Variants in RAPGEF2 observed in about 807,000 individuals in gnomAD.
The protein encoded by RAPGEF2 is Rap guanine nucleotide exchange factor 2, also known as PDZ domain containing guanine nucleotide exchange factor (GEF) 1.
Under a neutral mutation model 186.7 loss-of-function variants are expected in RAPGEF2, and 54 were observed. That is an observed-to-expected ratio of 0.29 (90% CI 0.23 to 0.36). RAPGEF2 has a LOEUF of 0.36. Among genes scored for constraint, RAPGEF2 ranks in the 10% least tolerant of loss-of-function variants. The probability of loss-of-function intolerance (pLI) is 1.00; values close to 1 mark genes in which losing one functional copy is unlikely to be tolerated. For missense variants in RAPGEF2, 1,532 were observed against 2,045.0 expected (o/e 0.75, Z 4.84); for synonymous variants, 712 against 705.9 (o/e 1.01, Z -0.14).
At chr4:159,311,189 A>G (rs1200462737) in intron 8 of RAPGEF2, among the ~76,000 whole-genome samples, 1 of 152,180 alleles carries the variant, frequency 6.6e-6, no homozygotes, top group Non-Finnish European at 1.5e-5. Context: ...TGATATGAAG[A>G]TTATTATGTT....
intron 7 of RAPGEF2, among the ~76,000 whole-genome samples, chr4:159,296,468 A>G (rs914414265): frequency 6.6e-6 from 1 of 152,236 alleles, no homozygotes; most frequent in Admixed American, 6.5e-5. Context: ...TCAATTAGTA[A>G]ATTAATAAAT....
intron 4 of RAPGEF2, among the ~76,000 whole-genome samples, chr4:159,237,018 TG>T (rs1168896715): frequency 1.3e-5 from 2 of 152,214 alleles, no homozygotes; most frequent in African/African-American, 2.4e-5. Context: ...TTGATTTTCA[TG>T]GAAACTTTTT....
chr4:159,169,042 A>G (rs914492899), intron 1 of RAPGEF2, among the ~76,000 whole-genome samples: 3 of 152,224 alleles, frequency 2.0e-5, no homozygotes, highest in African/African-American at 7.2e-5. Context: ...TGAGGACCAG[A>G]GTATATTGTA....
chr4:159,286,628 CT>C (rs1760538943), intron 7 of RAPGEF2, among the ~76,000 whole-genome samples: 1 of 152,170 alleles, frequency 6.6e-6, no homozygotes, highest in African/African-American at 2.4e-5. Context: ...TTTTCTCCAT[CT>C]TACCCACTCT....
chr4:159,233,862 G>T (rs1752928186), intron 4 of RAPGEF2, among the ~76,000 whole-genome samples: 1 of 151,894 alleles, frequency 6.6e-6, no homozygotes, highest in African/African-American at 2.4e-5. Flanking sequence ...TTTATTCCTG[G>T]ACTCCCAATT....
intron 7 of RAPGEF2, among the ~76,000 whole-genome samples, chr4:159,293,406 G>A (rs1204663008): frequency 6.6e-6 from 1 of 152,162 alleles, no homozygotes; most frequent in Non-Finnish European, 1.5e-5. Flanking sequence ...ACTCATTGCT[G>A]TATTTAGCAA....
intron 6 of RAPGEF2, among the ~76,000 whole-genome samples, chr4:159,241,613 T>C (rs567088384): frequency 1.3e-5 from 2 of 150,964 alleles, no homozygotes; most frequent in East Asian, 1.9e-4. Flanking sequence ...AAACATGATA[T>C]GATTAGTTTT....
intron 17 of RAPGEF2, among the ~76,000 whole-genome samples, chr4:159,334,339 C>G (rs1357624295): frequency 6.6e-6 from 1 of 152,174 alleles, no homozygotes; most frequent in Non-Finnish European, 1.5e-5. Flanking sequence ...ACCTTCACCT[C>G]CTGAGCTCAA....
chr4:159,339,464 C>A, intron 19 of RAPGEF2, 110 bp downstream of exon 19: 3 of 1,320,860 alleles, frequency 2.3e-6, no homozygotes, highest in East Asian at 2.3e-5. Context: ...AGTGTCCCTG[C>A]GATTAAAAAG....
At chr4:159,121,325 TCTCCCCTCCC>T (rs369594850) in intron 1 of RAPGEF2, among the ~76,000 whole-genome samples, 1 of 151,882 alleles carries the variant, frequency 6.6e-6, no homozygotes, top group African/African-American at 2.4e-5. Context: ...TACATGGACC[TCTCCCCTCCC>T]CTCCCCTCCC....
At chr4:159,317,023 A>G (rs913043841) in intron 9 of RAPGEF2, among the ~76,000 whole-genome samples, 5 of 152,172 alleles carry the variant, frequency 3.3e-5, no homozygotes, top group Admixed American at 2.6e-4. Flanking sequence ...TCTTGGGCCA[A>G]TACATATTTG....
At chr4:159,278,501 C>T (rs1252060695) in intron 7 of RAPGEF2, among the ~76,000 whole-genome samples, 10 of 152,228 alleles carry the variant, frequency 6.6e-5, no homozygotes, top group South Asian at 2.1e-4. Context: ...GGGTGGAAGG[C>T]GGGAATCTGA....
At chr4:159,203,667 G>A (rs1001525592) in intron 3 of RAPGEF2, among the ~76,000 whole-genome samples, 3 of 152,158 alleles carry the variant, frequency 2.0e-5, no homozygotes, top group Non-Finnish European at 2.9e-5. Flanking sequence ...TGGCCTGGCC[G>A]AACAGGATGA....
intron 1 of RAPGEF2, among the ~76,000 whole-genome samples, chr4:159,144,020 T>G (rs780951318): frequency 2.0e-5 from 3 of 152,212 alleles, no homozygotes; most frequent in Non-Finnish European, 2.9e-5. Flanking sequence ...TTCCTGTCTA[T>G]GTGTATATGT....
intron 7 of RAPGEF2, among the ~76,000 whole-genome samples, chr4:159,289,123 T>A (rs895237575): frequency 6.6e-6 from 1 of 152,136 alleles, no homozygotes; most frequent in African/African-American, 2.4e-5. Flanking sequence ...CTCCTCTCTT[T>A]AAGGGTGTAA....
chr4:159,274,498 C>T (rs927181404), intron 7 of RAPGEF2, among the ~76,000 whole-genome samples: 4 of 152,042 alleles, frequency 2.6e-5, no homozygotes, highest in African/African-American at 7.2e-5. Context: ...AAAATATATA[C>T]GTGTGCGTGT....
chr4:159,233,779 A>AAT (rs1752915414), intron 4 of RAPGEF2, among the ~76,000 whole-genome samples: 3 of 152,146 alleles, frequency 2.0e-5, no homozygotes, highest in South Asian at 4.2e-4. Context: ...AAAATTTAAA[A>AAT]ATATATATAT....
At chr4:159,209,377 A>G (rs1245277573) in intron 3 of RAPGEF2, among the ~76,000 whole-genome samples, 2 of 152,204 alleles carry the variant, frequency 1.3e-5, no homozygotes, top group East Asian at 1.9e-4. Context: ...AAAACATCCA[A>G]AAGCACTAAA....
intron 4 of RAPGEF2, among the ~76,000 whole-genome samples, chr4:159,225,505 G>C (rs1017435447): frequency 2.0e-5 from 3 of 152,042 alleles, no homozygotes; most frequent in Admixed American, 2.0e-4. Context: ...GGTACCTAGG[G>C]GTGAAATTGA....
Sources: allele counts gnomAD v4.1 joint callset (sites outside exome capture counted in the v4.1 genomes callset), GRCh38; gene constraint gnomAD v4.1.1; transcripts MANE v1.5; gene names NCBI Gene and HGNC (gene_info 2026-07-23, HGNC 2026-07-21).